SLC33A1: variants seen among roughly 807,000 people sequenced by gnomAD.
SLC33A1 encodes acetyl-coenzyme A transporter 1.
In SLC33A1, 20 loss-of-function variants were observed where a neutral mutation model predicts 50.0. The observed-to-expected ratio is 0.40, with a 90% confidence interval of 0.28 to 0.58. The LOEUF is 0.58. Among genes scored for constraint, SLC33A1 ranks in the 20% least tolerant of loss-of-function variants. The pLI, the probability that SLC33A1 is intolerant of heterozygous loss-of-function variation, is 0.44. For missense variants in SLC33A1, 476 were observed against 657.0 expected, an observed-to-expected ratio of 0.72 and a Z score of 3.01; for synonymous variants, 265 against 251.8, an observed-to-expected ratio of 1.05 and a Z score of -0.50.
rs1007822607 is a variant in SLC33A1, at chr3:155,821,025, T to A, written c.*7185A>T. ...CTTAATAAAAATGAAAACAAGATATTTCATTAATGTTTTATTTTTTAGAGA... is the reference window on the plus strand; with the variant it reads ...CTTAATAAAAATGAAAACAAGATATATCATTAATGTTTTATTTTTTAGAGA... On this transcript the variant is annotated 3_prime_UTR_variant, in exon 6 of 6. Coordinates refer to ENST00000643144, the MANE Select transcript of SLC33A1 (RefSeq NM_004733.4). 2 of 152,144 alleles carry A rather than the reference T, an allele frequency of 1.3e-5. No homozygotes were observed. The highest frequency in any genetic ancestry group is 2.9e-5 in the Non-Finnish European group (2 of 68,022). The allele number at this position is 152,144 out of a possible 1,614,324, so 9.4% of individuals were successfully genotyped here.
At chr3:155,828,905 T>TG (rs1752296883) in intron 5 of SLC33A1, among the ~76,000 whole-genome samples, 1 of 150,230 alleles carries the variant, frequency 6.7e-6, no homozygotes, top group African/African-American at 2.5e-5. Flanking sequence ...TGTTTTTTTT[T>TG]TTTTTTTTTT....
At chr3:155,840,476 G>A (rs1307581958) in intron 2 of SLC33A1, among the ~76,000 whole-genome samples, 3 of 151,830 alleles carry the variant, frequency 2.0e-5, no homozygotes, top group Non-Finnish European at 4.4e-5. Flanking sequence ...GAGGTCAGTA[G>A]TTCAAGAACG....
At chr3:155,830,187 C>A (rs1294648042) in intron 4 of SLC33A1, among the ~76,000 whole-genome samples, 1 of 150,384 alleles carries the variant, frequency 6.6e-6, no homozygotes, top group Non-Finnish European at 1.5e-5. Context: ...CACGGTGAAA[C>A]CCTGTCTCTA....
rs1158967277 is a variant in SLC33A1 at position 155,821,963 on chromosome 3, G to A, written c.*6247C>T. 1 of 151,784 alleles carries A rather than the reference G, an allele frequency of 6.6e-6. No individual in the cohort carries two copies. The highest frequency in any genetic ancestry group is 1.5e-5 in the Non-Finnish European group (1 of 68,042). The allele number at this position is 151,784 out of a possible 1,614,324, so 9.4% of individuals were successfully genotyped here. On this transcript the variant is annotated 3_prime_UTR_variant, in exon 6 of 6. Transcript: ENST00000643144. ...AATTTCTGTATTTGCAGTAGAGACAGGGTTTCACCATGTTGGCCAGGCTGG... is the reference window on the plus strand; with the variant it reads ...AATTTCTGTATTTGCAGTAGAGACAAGGTTTCACCATGTTGGCCAGGCTGG...
rs1053754134 is a variant in SLC33A1 at position 155,824,640 on chromosome 3, A to G, written c.*3570T>C. The G allele has an allele frequency of 1.3e-5, 2 of 152,070 alleles. No homozygotes were observed. The highest frequency in any genetic ancestry group is 2.4e-5 in the African/African-American group (1 of 41,414). 9.4% of individuals were successfully genotyped at this position (152,070 alleles called of 1,614,324 possible). On this transcript the variant is annotated 3_prime_UTR_variant, in exon 6 of 6. Coordinates refer to ENST00000643144, the MANE Select transcript of SLC33A1 (RefSeq NM_004733.4). ...ACATTGTTTTCAGGATGTTTTAAAC[A>G]CTTTCACAACTATTACCTCAGATTT...
intron 2 of SLC33A1, among the ~76,000 whole-genome samples, chr3:155,836,882 C>CA (rs1447627713): frequency 1.3e-5 from 2 of 151,528 alleles, no homozygotes; most frequent in African/African-American, 4.9e-5. Context: ...ACAGAGACCT[C>CA]ATCTCAAACA....
intron 3 of SLC33A1, 29 bp from the exon 4 acceptor site, chr3:155,833,614 T>A: frequency 7.7e-7 from 1 of 1,300,576 alleles, no homozygotes; most frequent in Non-Finnish European, 1.1e-6. Flanking sequence ...TGAGTTGACT[T>A]CCATTTTAGC....
At chr3:155,831,465 A>G (rs1372720818) in intron 4 of SLC33A1, among the ~76,000 whole-genome samples, 2 of 127,900 alleles carry the variant, frequency 1.6e-5, no homozygotes, top group East Asian at 3.9e-4. Context: ...CTCAAAAAAA[A>G]AAAAAAAAAA....
chr3:155,834,501 A>G (rs1248246824), intron 2 of SLC33A1, among the ~76,000 whole-genome samples: 4 of 152,170 alleles, frequency 2.6e-5, no homozygotes, highest in African/African-American at 9.7e-5. Flanking sequence ...AAGTTCATCT[A>G]ATGTTTCAAA....
intron 1 of SLC33A1, chr3:155,853,019 C>A: frequency 1.7e-6 from 1 of 597,732 alleles, no homozygotes; most frequent in South Asian, 2.1e-5. Context: ...TCCCTGTTAA[C>A]CGCATAGTGA....
intron 5 of SLC33A1, 72 bp downstream of exon 5, chr3:155,829,616 T>C (rs1396878851): frequency 2.7e-6 from 3 of 1,093,482 alleles, no homozygotes; most frequent in Admixed American, 3.5e-5. Flanking sequence ...GATATAGTAC[T>C]TCTAGAGACA....
At chr3:155,839,300 C>CAAAAAAA (rs550171374) in intron 2 of SLC33A1, among the ~76,000 whole-genome samples, 1 of 25,736 alleles carries the variant, frequency 3.9e-5, no homozygotes, top group African/African-American at 6.3e-5. Flanking sequence ...AACTCCGCCT[C>CAAAAAAA]AAAAAAAAAA....
At position 155,853,236 on chromosome 3, in the gene SLC33A1, G is replaced by A. The variant is rs200003603; in HGVS notation, c.762C>T (p.Ile254=). 3.1e-5 allele frequency: 50 copies of A among 1,613,316 alleles called. No individual in the cohort carries two copies. Among genetic ancestry groups the A allele is most frequent in the Non-Finnish European group, 3.8e-5 (45 of 1,179,572 alleles). Residue 254 remains isoleucine, a synonymous_variant, in exon 1 of 6, where the codon ATC becomes ATT. Transcript: ENST00000643144. ...YLRFQPQPRG[I]VTLSDFLFFW... is the part of the protein sequence containing the mutation. ...TAAATACACTACCTGAAAGAGTAACGATTCCTCTGGGTTGAGGCTGAAACC... is the reference window on the plus strand; with the variant it reads ...TAAATACACTACCTGAAAGAGTAACAATTCCTCTGGGTTGAGGCTGAAACC...
intron 4 of SLC33A1, among the ~76,000 whole-genome samples, chr3:155,831,578 T>C (rs1752438846): frequency 6.6e-6 from 1 of 151,786 alleles, no homozygotes; most frequent in Non-Finnish European, 1.5e-5. Context: ...GTACCTTTTT[T>C]CCCCCATAAA....
intron 1 of SLC33A1, among the ~76,000 whole-genome samples, chr3:155,850,195 G>C (rs1030160084): frequency 5.9e-5 from 9 of 151,970 alleles, no homozygotes; most frequent in Admixed American, 3.9e-4. Flanking sequence ...TTTTAGAAGA[G>C]ACAAGGTTTC....
chr3:155,835,856 C>T (rs1309604235), intron 2 of SLC33A1, among the ~76,000 whole-genome samples: 1 of 152,140 alleles, frequency 6.6e-6, no homozygotes, highest in Non-Finnish European at 1.5e-5. Flanking sequence ...CTCTCTCTCA[C>T]CTACTAAACT....
At chr3:155,832,789 A>C (rs1257950779) in intron 4 of SLC33A1, among the ~76,000 whole-genome samples, 1 of 151,794 alleles carries the variant, frequency 6.6e-6, no homozygotes, top group Non-Finnish European at 1.5e-5. Context: ...ACTATTTCTC[A>C]ATACTTTCAG....
In SLC33A1 at chr3:155,826,329, G is replaced by C. The variant is rs1164486476; in HGVS notation, c.*1881C>G. 1 of 151,716 alleles carries C rather than the reference G, an allele frequency of 6.6e-6. No homozygotes were observed. The highest frequency in any genetic ancestry group is 1.5e-5 in the Non-Finnish European group (1 of 68,036). 9.4% of individuals were successfully genotyped at this position (151,716 alleles called of 1,614,324 possible). A position where few individuals can be genotyped will look rare whatever the true frequency, so the allele number is the denominator to read the frequency against. On this transcript the variant is annotated 3_prime_UTR_variant, in exon 6 of 6. Coordinates refer to ENST00000643144, the MANE Select transcript of SLC33A1 (RefSeq NM_004733.4). ...TTGAACCCAGGAGGCAGAGGTTGCA[G>C]TGAGCCGAGATTGCACCACTGTACT...
Position 155,853,840 on chromosome 3 carries a change from A to G in SLC33A1, c.158T>C (p.Leu53Pro). 1.2e-6 allele frequency: 2 copies of G among 1,604,734 alleles called. No individual in the cohort carries two copies. The highest frequency in any genetic ancestry group is 1.7e-6 in the Non-Finnish European group (2 of 1,174,916). ...AGREGDREAL[L>P]GDTGTGDFLK... Reference sequence around the variant, plus strand: ...GAAGTCGCCAGTGCCGGTATCCCCCAGAAGAGCTTCTCTGTCCCCTTCCCG... The same window carrying G: ...GAAGTCGCCAGTGCCGGTATCCCCCGGAAGAGCTTCTCTGTCCCCTTCCCG... The change falls in exon 1 of 6, where the codon CTG becomes CCG. Residue 53 changes from leucine to proline, a missense_variant. By Grantham distance (98) the Leu-to-Pro change is moderately conservative. Transcript: ENST00000643144.
Sources: gnomAD v4.1 joint callset for allele counts (sites outside exome capture counted in the v4.1 genomes callset) on GRCh38, gnomAD v4.1.1 for gene constraint, MANE v1.5 for transcripts, NCBI Gene and HGNC (gene_info 2026-07-23, HGNC 2026-07-21) for gene names.